The following ADCK1 variants were observed in gnomAD, a reference collection of about 807,000 sequenced individuals.
ADCK1 encodes the protein aarF domain containing kinase 1, also known as aarF domain-containing protein kinase 1.
Under a neutral mutation model 52.3 loss-of-function variants are expected in ADCK1, and 41 were observed. The ratio of observed to expected loss-of-function variants is 0.78; its 90% CI spans 0.61 to 1.02. The LOEUF is 1.02. Ranked by LOEUF, ADCK1 falls within the 50% of genes least tolerant of loss-of-function variation. The pLI, the probability that ADCK1 is intolerant of heterozygous loss-of-function variation, is 0.00. For synonymous variants in ADCK1, 250 were observed against 274.6 expected (o/e 0.91, Z 0.89); for missense variants, 658 against 679.5 (o/e 0.97, Z 0.35).
rs75980071 is a variant in ADCK1 at position 77,881,094 on chromosome 14, C to T, written c.424-5997C>T. On this transcript the variant is annotated intron_variant, in intron 4 of 10. Coordinates refer to ENST00000238561, the MANE Select transcript of ADCK1 (RefSeq NM_020421.4). ...CTATTTCCACATAACAAATTACCCA[C>T]GTCCCACCTACAAAACTTTGTGACT... Among the ~76,000 whole-genome samples the T allele has an allele frequency of 7.8e-3, 1,184 of 152,314 alleles. 21 individuals are homozygous for T. Among genetic ancestry groups the T allele is most frequent in the African/African-American group, 0.027 (1,132 of 41,550 alleles).
chr14:77,822,573 C>T (rs2081606080), intron 3 of ADCK1, 55 bp downstream of exon 3: 2 of 1,418,082 alleles, frequency 1.4e-6, no homozygotes, highest in South Asian at 2.3e-5. Context: ...AACCCTTGAA[C>T]TGCTATGCTC....
At chr14:77,835,726 CTT>C (rs768756131) in intron 3 of ADCK1, among the ~76,000 whole-genome samples, 4 of 152,208 alleles carry the variant, frequency 2.6e-5, no homozygotes, top group Non-Finnish European at 5.9e-5. Context: ...TCCTCTACCT[CTT>C]GAGCTCAATT....
intron 3 of ADCK1, among the ~76,000 whole-genome samples, chr14:77,835,484 C>T (rs1479271636): frequency 6.6e-6 from 1 of 152,202 alleles, no homozygotes; most frequent in African/African-American, 2.4e-5. Context: ...AGCAGCTTTC[C>T]AGAAACAGAA....
chr14:77,844,375 C>T (rs1030665791), intron 3 of ADCK1, among the ~76,000 whole-genome samples: 1 of 152,208 alleles, frequency 6.6e-6, no homozygotes, highest in Non-Finnish European at 1.5e-5. Flanking sequence ...GCCACCACGC[C>T]TGGCCTGATC....
intron 4 of ADCK1, among the ~76,000 whole-genome samples, chr14:77,866,591 T>C (rs1056974828): frequency 2.0e-5 from 3 of 152,160 alleles, no homozygotes; most frequent in East Asian, 1.9e-4. Context: ...CTCTGAAGTA[T>C]GTGCTCTTGG....
At chr14:77,886,381 G>A (rs2083147043) in intron 4 of ADCK1, among the ~76,000 whole-genome samples, 1 of 152,254 alleles carries the variant, frequency 6.6e-6, no homozygotes, top group African/African-American at 2.4e-5. Context: ...CCCACATTCT[G>A]TTAATGCTGG....
At chr14:77,921,494 C>T (rs1057398938) in intron 7 of ADCK1, among the ~76,000 whole-genome samples, 5 of 152,094 alleles carry the variant, frequency 3.3e-5, no homozygotes, top group Non-Finnish European at 4.4e-5. Flanking sequence ...GTTAGTCCCA[C>T]GTAGCCGCTA....
chr14:77,891,882 T>A (rs1041077394), intron 5 of ADCK1, among the ~76,000 whole-genome samples: 2 of 152,130 alleles, frequency 1.3e-5, no homozygotes, highest in Non-Finnish European at 2.9e-5. Flanking sequence ...GTACTTGAAG[T>A]GAATATTTTG....
intron 4 of ADCK1, among the ~76,000 whole-genome samples, chr14:77,861,528 T>A (rs548827252): frequency 6.6e-6 from 1 of 152,202 alleles, no homozygotes; most frequent in East Asian, 1.9e-4. Context: ...GCCCCACTCA[T>A]CCTCAGCTCC....
At chr14:77,900,083 A>AAG (rs1202415545) in intron 6 of ADCK1, among the ~76,000 whole-genome samples, 9 of 34,962 alleles carry the variant, frequency 2.6e-4, no homozygotes, top group Admixed American at 2.3e-3. Flanking sequence ...AAAAAAAAAA[A>AAG]AAGAAAATTC....
In ADCK1 at chr14:77,825,602, T is replaced by A. The variant is rs577771243; in HGVS notation, c.219+3084T>A. 8.0e-4 allele frequency among the ~76,000 whole-genome samples: 122 copies of A among 151,838 alleles called. 2 individuals carry two copies. The South Asian group carries it at 0.025, about 31-fold the overall frequency. On this transcript the variant is annotated intron_variant, in intron 3 of 10. Coordinates refer to ENST00000238561, the MANE Select transcript of ADCK1 (RefSeq NM_020421.4). ...TCACCAGGATGTGACAGGTCCTGAA[T>A]AAAGGTTTGTTGAACGAACGAGTGA...
chr14:77,870,145 G>A (rs1299326562), intron 4 of ADCK1, among the ~76,000 whole-genome samples: 1 of 152,328 alleles, frequency 6.6e-6, no homozygotes, highest in Admixed American at 6.5e-5. Flanking sequence ...GATATTGTTT[G>A]TAACCTTTAC....
chr14:77,827,552 G>C (rs1281959707), intron 3 of ADCK1, among the ~76,000 whole-genome samples: 1 of 151,882 alleles, frequency 6.6e-6, no homozygotes, highest in Non-Finnish European at 1.5e-5. Context: ...AGCATACTGG[G>C]GTTATTTTTT....
chr14:77,820,304 GAT>G (rs10532993), intron 2 of ADCK1, among the ~76,000 whole-genome samples: 98,394 of 149,454 alleles, frequency 0.66, 32,940 homozygotes, highest in Admixed American at 0.73. Context: ...TTTATTTTAT[GAT>G]ATATATATAT....
At position 77,836,101 on chromosome 14, in the gene ADCK1, G is replaced by A. The variant is rs115617245; in HGVS notation, c.219+13583G>A. Among the ~76,000 whole-genome samples, 1,152 of 152,264 alleles carry A rather than the reference G, an allele frequency of 7.6e-3. 17 individuals carry two copies. The highest frequency in any genetic ancestry group is 0.027 in the African/African-American group (1,107 of 41,550). On this transcript the variant is annotated intron_variant, in intron 3 of 10. Transcript: ENST00000238561. ...GAATGGAATAATGCTGTTACCGTGG[G>A]AATGGGTTCATTTTGGGTACCTTCC...
chr14:77,888,888 G>A (rs899354004), intron 5 of ADCK1, among the ~76,000 whole-genome samples: 1 of 152,094 alleles, frequency 6.6e-6, no homozygotes, highest in South Asian at 2.1e-4. Flanking sequence ...CACTGATATG[G>A]TTTGGCTGTG....
rs1257961169 is a variant in ADCK1, at chr14:77,807,025, A to ACT, written c.-12+6868_-12+6869dup. 1.3e-3 allele frequency among the ~76,000 whole-genome samples: 155 copies of ACT among 118,138 alleles called. 3 individuals are homozygous for ACT. The highest frequency in any genetic ancestry group is 6.8e-3 in the Middle Eastern group (1 of 148). 77.5% of individuals were successfully genotyped at this position (118,138 alleles called of 152,430 possible). Reference sequence around the variant, plus strand: ...CCACTGCGCCCGGCCTAAGATAGCCACTCTCTCTCTCTCTTTTTTTTTTTT... The same window carrying ACT: ...CCACTGCGCCCGGCCTAAGATAGCCACTCTCTCTCTCTCTCTTTTTTTTTTTT... On this transcript the variant is annotated intron_variant, in intron 1 of 10. Transcript: ENST00000238561.
At chr14:77,851,376 A>G (rs998682134) in intron 3 of ADCK1, among the ~76,000 whole-genome samples, 3 of 152,116 alleles carry the variant, frequency 2.0e-5, no homozygotes, top group Non-Finnish European at 4.4e-5. Context: ...TTGGCCTCCC[A>G]AAGTGCTGGG....
intron 1 of ADCK1, among the ~76,000 whole-genome samples, chr14:77,800,471 C>T (rs2081085160): frequency 6.6e-6 from 1 of 152,264 alleles, no homozygotes; most frequent in South Asian, 2.1e-4. Flanking sequence ...CACAGTCTTG[C>T]AGGCACCCGA....
Sources: allele counts gnomAD v4.1 joint callset (sites outside exome capture counted in the v4.1 genomes callset), GRCh38; gene constraint gnomAD v4.1.1; transcripts MANE v1.5; gene names NCBI Gene and HGNC (gene_info 2026-07-23, HGNC 2026-07-21).